CLU: variants seen among roughly 807,000 people sequenced by gnomAD.
CLU encodes the protein aging-associated protein 4.
A neutral mutation model predicts 46.4 loss-of-function variants in CLU; 25 were observed. The ratio of observed to expected loss-of-function variants is 0.54; its 90% confidence interval spans 0.39 to 0.75. The LOEUF is 0.75. Among genes scored for constraint, CLU ranks in the 30% least tolerant of loss-of-function variants. The pLI is 0.00. For synonymous variants in CLU, 235 were observed against 235.1 expected (o/e 1.00, Z 0.00); for missense variants, 504 against 592.1 (o/e 0.85, Z 1.54).
intron 2 of CLU, 93 bp downstream of exon 2, chr8:27,610,382 G>C (rs1800901119): frequency 9.8e-7 from 1 of 1,020,738 alleles, no homozygotes; most frequent in Non-Finnish European, 1.6e-6. Flanking sequence ...GTAACACTGG[G>C]GCCTGATAGA....
chr8:27,606,659 C>G, intron 3 of CLU, 135 bp from the exon 4 acceptor site: 1 of 979,336 alleles, frequency 1.0e-6, no homozygotes, highest in Non-Finnish European at 1.6e-6. Context: ...CAAGTGCCTA[C>G]CCTTGCTCCA....
intron 3 of CLU, among the ~76,000 whole-genome samples, chr8:27,607,446 C>CAA (rs780505916): frequency 7.3e-6 from 1 of 136,492 alleles, no homozygotes; most frequent in African/African-American, 2.7e-5. Context: ...TAGCTTATGG[C>CAA]AAAAAAAAAA....
Position 27,608,968 on chromosome 8 carries a change from G to A in CLU, c.216C>T (p.Ser72=). 2 of 1,614,240 alleles carry A rather than the reference G, an allele frequency of 1.2e-6. No homozygotes were observed. The highest frequency in any genetic ancestry group is 4.5e-5 in the East Asian group (2 of 44,890). The change falls in exon 3 of 9, where the codon AGC becomes AGT. Residue 72 remains serine (S), a synonymous_variant. Transcript: ENST00000316403. ...TCTTCTTCTTGGCTTCTTCTAGGTT[G>A]CTGAGCAGTGTCTTGCGCTCTTCGT... is the stretch of plus-strand genomic sequence containing the variant. ...KTNEERKTLL[S]NLEEAKKKKE... is the part of the protein sequence containing the mutation.
At chr8:27,613,455 A>T (rs1282958395) in intron 1 of CLU, 1 of 151,806 alleles carries the variant, frequency 6.6e-6, no homozygotes, top group Non-Finnish European at 1.5e-5. Context: ...AGCCGTGGGG[A>T]GGATGGGAAG....
rs1489777011 is a variant in CLU at position 27,597,983 on chromosome 8, A to G, written c.*258T>C. ...AGCAGCAACTCAACATAAAAAGAGG[A>G]CCCTCCAAGCGATCAGCTCACAAGA... On this transcript the variant is annotated 3_prime_UTR_variant, in exon 9 of 9. Coordinates refer to ENST00000316403, the MANE Select transcript of CLU (RefSeq NM_001831.4). The G allele has an allele frequency of 1.5e-6, 1 of 671,048 alleles. No homozygotes were observed. Among genetic ancestry groups the G allele is most frequent in the Admixed American group, 2.0e-5 (1 of 49,028 alleles). The allele number at this position is 671,048 out of a possible 1,614,324, so 41.6% of individuals were successfully genotyped here.
At position 27,598,074 on chromosome 8, in the gene CLU, G is replaced by A; in HGVS notation, c.*167C>T. 1.4e-6 allele frequency: 1 copy of A among 719,868 alleles called. No homozygotes were observed. The highest frequency in any genetic ancestry group is 2.0e-5 in the Admixed American group (1 of 50,012). 44.6% of individuals were successfully genotyped at this position (719,868 alleles called of 1,614,324 possible). A position where few individuals can be genotyped will look rare whatever the true frequency, so the allele number is the denominator to read the frequency against. On this transcript the variant is annotated 3_prime_UTR_variant, in exon 9 of 9. Transcript: ENST00000316403. ...CTTCCCATGAGCAGCAGAGTCGAGT[G>A]TTAGAGTGCAGGATCCAGAGCGGGG...
Position 27,609,236 on chromosome 8 carries a change from CCAGCCTTGCCCTGGCA to C in CLU, c.98-166_98-151del, listed in dbSNP as rs1800879408. On this transcript the variant is annotated intron_variant, in intron 2 of 8. Coordinates refer to ENST00000316403, the MANE Select transcript of CLU (RefSeq NM_001831.4). Reference sequence around the variant, plus strand: ...CCTGCCAGCAGGCAGCAGCATGGCCCCAGCCTTGCCCTGGCACAGGCTCCCATCACAGGCTCCTTGC... The same window carrying C: ...CCTGCCAGCAGGCAGCAGCATGGCCCCAGGCTCCCATCACAGGCTCCTTGC... 3 of 812,980 alleles carry C rather than the reference CCAGCCTTGCCCTGGCA, an allele frequency of 3.7e-6. No individual in the cohort carries two copies. In the Admixed American group the frequency reaches 6.0e-5, roughly 16 times the overall value. 50.4% of individuals were successfully genotyped at this position (812,980 alleles called of 1,614,324 possible). A position where few individuals can be genotyped will look rare whatever the true frequency, so the allele number is the denominator to read the frequency against.
At chr8:27,603,193 CA>C (rs1800752920) in intron 6 of CLU, among the ~76,000 whole-genome samples, 1 of 152,198 alleles carries the variant, frequency 6.6e-6, no homozygotes, top group Admixed American at 6.5e-5. Flanking sequence ...CATCTTTTCT[CA>C]GACCCTAACA....
At chr8:27,602,547 G>A (rs1800739795) in intron 6 of CLU, among the ~76,000 whole-genome samples, 1 of 151,428 alleles carries the variant, frequency 6.6e-6, no homozygotes, top group Non-Finnish European at 1.5e-5. Context: ...GCTGCAGTGA[G>A]CTGTAATGGT....
chr8:27,597,926 GC>G lies in CLU; in HGVS notation c.*314del. 1.7e-6 allele frequency: 1 copy of G among 596,962 alleles called. No individual in the cohort carries two copies. The highest frequency in any genetic ancestry group is 3.8e-5 in the East Asian group (1 of 26,372). 37.0% of individuals were successfully genotyped at this position (596,962 alleles called of 1,614,324 possible). On this transcript the variant is annotated 3_prime_UTR_variant, in exon 9 of 9. Transcript: ENST00000316403. Reference sequence around the variant, plus strand: ...TACTTATTTTCCATCCCCCCTGCCTGCCCCCCATAGCAAAATGAAGGCATGC... The same window carrying G: ...TACTTATTTTCCATCCCCCCTGCCTGCCCCCATAGCAAAATGAAGGCATGC...
Position 27,608,971 on chromosome 8 carries a change from G to A in CLU, c.213C>T (p.Leu71=). The change falls in exon 3 of 9, where the codon CTC becomes CTT. Residue 71 remains leucine, a synonymous_variant. Coordinates refer to ENST00000316403, the MANE Select transcript of CLU (RefSeq NM_001831.4). ...TCTTCTTGGCTTCTTCTAGGTTGCT[G>A]AGCAGTGTCTTGCGCTCTTCGTTTG... ...EKTNEERKTL[L]SNLEEAKKKK... 6.2e-7 allele frequency: 1 copy of A among 1,614,234 alleles called. No individual in the cohort carries two copies. The highest frequency in any genetic ancestry group is 8.5e-7 in the Non-Finnish European group (1 of 1,180,038).
chr8:27,607,038 C>A (rs912510391), intron 3 of CLU, among the ~76,000 whole-genome samples: 6 of 152,228 alleles, frequency 3.9e-5, no homozygotes, highest in Non-Finnish European at 8.8e-5. Flanking sequence ...CCCAATAATT[C>A]TGTAAGAATC....
intron 1 of CLU, 72 bp from the exon 2 acceptor site, chr8:27,610,672 A>G (rs767030666): frequency 4.2e-6 from 5 of 1,191,860 alleles, no homozygotes; most frequent in Non-Finnish European, 5.0e-6. Flanking sequence ...TGCTGCCTGC[A>G]GCAGCTCCCC....
intron 1 of CLU, among the ~76,000 whole-genome samples, chr8:27,612,901 C>T (rs1012581912): frequency 2.1e-5 from 3 of 140,402 alleles, no homozygotes; most frequent in Non-Finnish European, 3.0e-5. Context: ...CAGAAAAGGC[C>T]GGTTCTGTGG....
At position 27,596,987 on chromosome 8, in the gene CLU, A is replaced by G; in HGVS notation, c.*1254T>C. 4.4e-6 allele frequency: 2 copies of G among 454,058 alleles called. No homozygotes were observed. The highest frequency in any genetic ancestry group is 3.1e-5 in the South Asian group (2 of 64,482). 28.1% of individuals were successfully genotyped at this position (454,058 alleles called of 1,614,324 possible). The stretch of plus-strand genomic sequence containing the variant: ...CTTTACAATTATGATCACTTAAGCA[A>G]ATACCTCTGACCCCATAATTCTAAT... On this transcript the variant is annotated 3_prime_UTR_variant, in exon 9 of 9. Coordinates refer to ENST00000316403, the MANE Select transcript of CLU (RefSeq NM_001831.4).
chr8:27,605,632 C>G (rs996954189), intron 4 of CLU, among the ~76,000 whole-genome samples: 2 of 152,226 alleles, frequency 1.3e-5, no homozygotes, highest in East Asian at 1.9e-4. Flanking sequence ...GATATCCACC[C>G]CCGCTCGGCT....
intron 1 of CLU, among the ~76,000 whole-genome samples, chr8:27,612,968 A>C (rs910780172): frequency 2.8e-4 from 2 of 7,198 alleles, no homozygotes; most frequent in Non-Finnish European, 6.8e-4. Context: ...GGTGGGGGGC[A>C]GGGGGGGCGG....
At chr8:27,606,559 G>T (rs145399005) in intron 3 of CLU, 35 bp from the exon 4 acceptor site, 2 of 1,612,844 alleles carry the variant, frequency 1.2e-6, no homozygotes, top group African/African-American at 2.7e-5. Flanking sequence ...GAGCCACACA[G>T]AGACCACAGG....
chr8:27,600,103 G>A (rs949754536), intron 6 of CLU, 94 bp from the exon 7 acceptor site: 18 of 943,796 alleles, frequency 1.9e-5, no homozygotes, highest in South Asian at 2.7e-5. Flanking sequence ...CACATGCAGC[G>A]GGAACAAAAG....
Sources: gnomAD v4.1 joint callset for allele counts (sites outside exome capture counted in the v4.1 genomes callset) on GRCh38, gnomAD v4.1.1 for gene constraint, MANE v1.5 for transcripts, NCBI Gene and HGNC (gene_info 2026-07-23, HGNC 2026-07-21) for gene names.